The following DACH1 variants were observed in gnomAD, a reference collection of about 807,000 sequenced individuals.
The protein encoded by DACH1 is dachshund family transcription factor 1.
Under a neutral mutation model 54.2 loss-of-function variants are expected in DACH1, and 12 were observed. That is an observed-to-expected ratio of 0.22 (90% CI 0.14 to 0.36). DACH1 has a LOEUF of 0.36. Among genes scored for constraint, DACH1 ranks in the 10% least tolerant of loss-of-function variants. The probability of loss-of-function intolerance (pLI) is 1.00; values close to 1 mark genes in which losing one functional copy is unlikely to be tolerated. For missense variants in DACH1, 805 were observed against 929.8 expected, an observed-to-expected ratio of 0.87 and a Z score of 1.75; for synonymous variants, 386 against 366.2, an observed-to-expected ratio of 1.05 and a Z score of -0.62.
At chr13:71,651,045 G>A (rs1027965147) in intron 2 of DACH1, among the ~76,000 whole-genome samples, 7 of 152,080 alleles carry the variant, frequency 4.6e-5, no homozygotes, top group African/African-American at 1.7e-4. Context: ...TGTTATATAA[G>A]CTATTTAGCA....
intron 1 of DACH1, among the ~76,000 whole-genome samples, chr13:71,791,354 T>C (rs1463239296): frequency 1.3e-5 from 2 of 152,112 alleles, no homozygotes; most frequent in African/African-American, 4.8e-5. Context: ...AGGGTGGAGC[T>C]ATTCTTTGTT....
intron 1 of DACH1, among the ~76,000 whole-genome samples, chr13:71,788,803 T>C (rs537415059): frequency 1.3e-5 from 2 of 152,122 alleles, no homozygotes; most frequent in Non-Finnish European, 2.9e-5. Flanking sequence ...TATGCTGTTG[T>C]AATAACTTAA....
intron 1 of DACH1, among the ~76,000 whole-genome samples, chr13:71,684,570 T>G (rs947755925): frequency 1.3e-5 from 2 of 152,154 alleles, no homozygotes; most frequent in African/African-American, 4.8e-5. Context: ...CTGCCTAAAC[T>G]TTAATCATCC....
intron 1 of DACH1, among the ~76,000 whole-genome samples, chr13:71,789,302 A>T (rs1023521223): frequency 6.6e-6 from 1 of 152,126 alleles, no homozygotes; most frequent in African/African-American, 2.4e-5. Flanking sequence ...ATCACAGCTG[A>T]TATTGCAGAG....
chr13:71,703,268 C>CT (rs145498683), intron 1 of DACH1, among the ~76,000 whole-genome samples: 1 of 152,064 alleles, frequency 6.6e-6, no homozygotes, highest in Admixed American at 6.6e-5. Flanking sequence ...GGTTTTCCTC[C>CT]TTTTTTAATT....
Position 71,738,095 on chromosome 13 carries a change from C to T in DACH1, c.849-56185G>A, listed in dbSNP as rs551490885. 1.6e-3 allele frequency among the ~76,000 whole-genome samples: 240 copies of T among 152,208 alleles called. 1 individual carries two copies. Among genetic ancestry groups the T allele is most frequent in the Non-Finnish European group, 2.8e-3 (189 of 68,002 alleles). ...TGCACGGAAGTAATCATTCAAAGCA[C>T]GAGTTATTTGATATTTTAAGAAAGA... is the stretch of plus-strand genomic sequence containing the variant. On this transcript the variant is annotated intron_variant, in intron 1 of 10. Transcript: ENST00000613252.
intron 2 of DACH1, among the ~76,000 whole-genome samples, chr13:71,655,642 A>G (rs113147911): frequency 1.1e-3 from 169 of 152,196 alleles, no homozygotes; most frequent in African/African-American, 4.0e-3. Context: ...AAGTGCTGGG[A>G]TTACAGACGT....
intron 1 of DACH1, among the ~76,000 whole-genome samples, chr13:71,691,085 TG>T (rs1881454720): frequency 6.6e-6 from 1 of 152,240 alleles, no homozygotes; most frequent in South Asian, 2.1e-4. Context: ...GCAATGCATT[TG>T]GTCTTTCATT....
At chr13:71,650,810 C>A (rs147869079) in intron 2 of DACH1, among the ~76,000 whole-genome samples, 114 of 152,210 alleles carry the variant, frequency 7.5e-4, no homozygotes, top group African/African-American at 2.4e-3. Context: ...GCATCTTCAT[C>A]ATAATAAATT....
intron 1 of DACH1, among the ~76,000 whole-genome samples, chr13:71,721,961 G>T (rs1883248668): frequency 6.6e-6 from 1 of 151,824 alleles, no homozygotes; most frequent in Non-Finnish European, 1.5e-5. Context: ...TTTATTATAA[G>T]GATAGAATTA....
At chr13:71,647,358 A>C (rs973201402) in intron 2 of DACH1, among the ~76,000 whole-genome samples, 3 of 152,228 alleles carry the variant, frequency 2.0e-5, no homozygotes, top group African/African-American at 7.2e-5. Flanking sequence ...AGTTAGATAA[A>C]TCAGGAAATC....
At chr13:71,817,364 C>G (rs1000066650) in intron 1 of DACH1, among the ~76,000 whole-genome samples, 2 of 152,168 alleles carry the variant, frequency 1.3e-5, no homozygotes, top group African/African-American at 4.8e-5. Context: ...TCTTTGCCAT[C>G]ATTACAGCTC....
chr13:71,440,784 A>T, intron 10 of DACH1, 92 bp from the exon 11 acceptor site: 4 of 987,258 alleles, frequency 4.1e-6, no homozygotes, highest in Non-Finnish European at 6.1e-6. Flanking sequence ...TAAAATTTGT[A>T]GTTTTTATTA....
intron 1 of DACH1, among the ~76,000 whole-genome samples, chr13:71,685,107 C>T (rs1015061042): frequency 2.6e-5 from 4 of 152,110 alleles, no homozygotes; most frequent in Non-Finnish European, 5.9e-5. Flanking sequence ...ATTATTCTGG[C>T]CACAGGAATT....
At chr13:71,559,730 A>G in intron 5 of DACH1, 90 bp downstream of exon 5, 4 of 1,508,378 alleles carry the variant, frequency 2.7e-6, no homozygotes, top group Non-Finnish European at 3.7e-6. Flanking sequence ...TCCATCTGAG[A>G]TCTATTTGGA....
chr13:71,636,114 A>G (rs1877472678), intron 2 of DACH1, among the ~76,000 whole-genome samples: 1 of 151,894 alleles, frequency 6.6e-6, no homozygotes, highest in South Asian at 2.1e-4. Flanking sequence ...CAAGCAACCC[A>G]TTTCTCCCTC....
At chr13:71,744,963 A>C (rs1981738) in intron 1 of DACH1, among the ~76,000 whole-genome samples, 112,706 of 151,930 alleles carry the variant, frequency 0.74, 44,623 homozygotes, top group Non-Finnish European at 0.9. Flanking sequence ...AGTTTTGTGG[A>C]TTTTTATTTA....
chr13:71,845,397 T>A (rs1049702343), intron 1 of DACH1, among the ~76,000 whole-genome samples: 3 of 152,112 alleles, frequency 2.0e-5, no homozygotes, highest in African/African-American at 7.2e-5. Flanking sequence ...CTATAATACT[T>A]TTTTGCTGTG....
chr13:71,486,025 ATAAT>A (rs919720604), intron 7 of DACH1, among the ~76,000 whole-genome samples: 7 of 151,938 alleles, frequency 4.6e-5, no homozygotes, highest in African/African-American at 1.7e-4. Context: ...ATTTTCACAT[ATAAT>A]TATAGTATTT....
Sources: gnomAD v4.1 joint callset for allele counts (sites outside exome capture counted in the v4.1 genomes callset) on GRCh38, gnomAD v4.1.1 for gene constraint, MANE v1.5 for transcripts, NCBI Gene and HGNC (gene_info 2026-07-23, HGNC 2026-07-21) for gene names.